Variants in LYPD6B observed in about 807,000 individuals in gnomAD.
The protein encoded by LYPD6B is ly6/PLAUR domain-containing protein 6B.
LYPD6B carries 17 observed loss-of-function variants against 22.8 expected under a neutral mutation model. The ratio of observed to expected loss-of-function variants is 0.75; its 90% CI spans 0.51 to 1.12. The LOEUF is 1.12. LYPD6B is among the 50% of genes most tolerant of loss of function. The pLI is 0.00. For missense variants in LYPD6B, 221 were observed against 258.3 expected, an observed-to-expected ratio of 0.86 and a Z score of 0.99; for synonymous variants, 106 against 91.6, an observed-to-expected ratio of 1.16 and a Z score of -0.90.
At chr2:149,142,039 T>G (rs905043434) in intron 2 of LYPD6B, 9 of 152,236 alleles carry the variant, frequency 5.9e-5, no homozygotes, top group African/African-American at 2.2e-4. Context: ...AGACTTGGTC[T>G]GCTATCATTT....
chr2:149,194,029 C>T (rs1235598261), intron 3 of LYPD6B, among the ~76,000 whole-genome samples: 1 of 152,030 alleles, frequency 6.6e-6, no homozygotes, highest in Non-Finnish European at 1.5e-5. Context: ...TAATGATGTG[C>T]TTTAGTGATG....
At chr2:149,211,300 C>T (rs1276247555) in intron 5 of LYPD6B, among the ~76,000 whole-genome samples, 1 of 152,030 alleles carries the variant, frequency 6.6e-6, no homozygotes, top group Non-Finnish European at 1.5e-5. Context: ...TCAATTGCCA[C>T]GTGGTTTAAT....
chr2:149,057,820 C>T (rs189292179), intron 1 of LYPD6B, among the ~76,000 whole-genome samples: 6 of 152,224 alleles, frequency 3.9e-5, no homozygotes, highest in Non-Finnish European at 7.4e-5. Context: ...ATTATTTGAC[C>T]GTTTCAGGGG....
intron 3 of LYPD6B, among the ~76,000 whole-genome samples, chr2:149,163,613 A>G (rs1008097635): frequency 3.3e-5 from 5 of 152,200 alleles, no homozygotes; most frequent in Non-Finnish European, 7.3e-5. Flanking sequence ...CTCATCATAT[A>G]TTTCAGAGTA....
intron 2 of LYPD6B, among the ~76,000 whole-genome samples, chr2:149,151,205 G>T: frequency 6.6e-6 from 1 of 152,018 alleles, no homozygotes; most frequent in Non-Finnish European, 1.5e-5. Flanking sequence ...GCTGGGTGGT[G>T]GGTATATATG....
chr2:149,158,783 T>C (rs961589486), intron 2 of LYPD6B, among the ~76,000 whole-genome samples: 1 of 152,236 alleles, frequency 6.6e-6, no homozygotes, highest in Non-Finnish European at 1.5e-5. Context: ...ATTTAAACTT[T>C]GTATTCCTTA....
At position 149,208,333 on chromosome 2, in the gene LYPD6B, C is replaced by T. The variant is rs763844826; in HGVS notation, c.249C>T (p.Ser83=). ...PPLDPTPFPN[S]FKCFTCENAG... ...TTAAAGCTACACCATTTCCAAATAG[C>T]TTCAAGTGCTTTACTTGTGAAAACG... Residue 83 remains serine (S), a synonymous_variant, in exon 5 of 7, where the codon AGC becomes AGT. Transcript: ENST00000409642. The T allele has an allele frequency of 5.6e-6, 9 of 1,613,610 alleles. No individual in the cohort carries two copies. Among genetic ancestry groups the T allele is most frequent in the East Asian group, 4.5e-5 (2 of 44,868 alleles).
chr2:149,199,345 A>G (rs1177147870), intron 3 of LYPD6B, among the ~76,000 whole-genome samples: 1 of 152,192 alleles, frequency 6.6e-6, no homozygotes, highest in African/African-American at 2.4e-5. Flanking sequence ...CCTAAAGCTC[A>G]TTGTTATTCC....
Position 149,109,289 on chromosome 2 carries a change from G to A in LYPD6B, c.-66-21594G>A, listed in dbSNP as rs553928677. 7.2e-5 allele frequency among the ~76,000 whole-genome samples: 11 copies of A among 152,192 alleles called. No homozygotes were observed. The East Asian group carries it at 7.7e-4, about 11-fold the overall frequency. ...TTTCACTTAGGTTTTTGAAATACAC[G>A]TTAGGTTGATAGTTTTTCTTTTTTC... On this transcript the variant is annotated intron_variant, in intron 1 of 6. Coordinates refer to ENST00000409642, the MANE Select transcript of LYPD6B (RefSeq NM_177964.5).
chr2:149,054,069 T>C (rs1449464469), intron 1 of LYPD6B, among the ~76,000 whole-genome samples: 1 of 152,272 alleles, frequency 6.6e-6, no homozygotes, highest in East Asian at 1.9e-4. Flanking sequence ...AGCATTCATG[T>C]ATAAGTGTTT....
At chr2:149,099,245 TA>T (rs1277552149) in intron 1 of LYPD6B, among the ~76,000 whole-genome samples, 3 of 152,128 alleles carry the variant, frequency 2.0e-5, no homozygotes, top group East Asian at 1.9e-4. Flanking sequence ...AAATAACAAC[TA>T]AAAAAATTAT....
intron 1 of LYPD6B, among the ~76,000 whole-genome samples, chr2:149,101,936 G>A (rs1246520681): frequency 6.6e-6 from 1 of 152,156 alleles, no homozygotes; most frequent in Non-Finnish European, 1.5e-5. Flanking sequence ...CCATTCATTA[G>A]TTAAGAAGAA....
chr2:149,069,765 A>G (rs1684514021), intron 1 of LYPD6B, among the ~76,000 whole-genome samples: 1 of 152,100 alleles, frequency 6.6e-6, no homozygotes, highest in African/African-American at 2.4e-5. Flanking sequence ...AGTTGTCCAT[A>G]GTGCTGAGCA....
intron 1 of LYPD6B, among the ~76,000 whole-genome samples, chr2:149,076,635 A>C (rs1317408670): frequency 6.6e-6 from 1 of 152,228 alleles, no homozygotes; most frequent in Non-Finnish European, 1.5e-5. Flanking sequence ...GGTATGAGGC[A>C]CAGTAAAATT....
chr2:149,115,088 G>A (rs928932975), intron 1 of LYPD6B, among the ~76,000 whole-genome samples: 12 of 152,148 alleles, frequency 7.9e-5, no homozygotes, highest in African/African-American at 1.7e-4. Flanking sequence ...ACAGGCGCTC[G>A]CCACTACATC....
chr2:149,185,746 T>G (rs889476077), intron 3 of LYPD6B, among the ~76,000 whole-genome samples: 26 of 152,204 alleles, frequency 1.7e-4, no homozygotes, highest in African/African-American at 6.3e-4. Context: ...ATCAGTGCTG[T>G]TTTTCCAACA....
Position 149,213,040 on chromosome 2 carries a change from G to C in LYPD6B, c.377G>C (p.Ser126Thr), listed in dbSNP as rs963063474. ...TVHHFTSHGR[S>T]TSITKKCASR... ...CATCACTTCACCAGCCACGGAAGAA[G>C]CACATCCATCACCAAAAAGTGTGCC... The change falls in exon 6 of 7, where the codon AGC becomes ACC. Residue 126 changes from serine (S) to threonine (T), a missense_variant. Physicochemically the swap from Ser to Thr is moderately conservative, Grantham distance 58. Transcript: ENST00000409642. The C allele has an allele frequency of 1.9e-6, 3 of 1,613,854 alleles. No homozygotes were observed. Among genetic ancestry groups the C allele is most frequent in the African/African-American group, 2.7e-5 (2 of 74,930 alleles).
intron 3 of LYPD6B, among the ~76,000 whole-genome samples, chr2:149,196,617 A>G (rs2106094314): frequency 6.6e-6 from 1 of 152,330 alleles, no homozygotes; most frequent in East Asian, 1.9e-4. Flanking sequence ...TTGAGATTAT[A>G]GGGAATACTG....
intron 3 of LYPD6B, among the ~76,000 whole-genome samples, chr2:149,192,169 T>G (rs554815166): frequency 1.3e-5 from 2 of 152,252 alleles, no homozygotes; most frequent in Non-Finnish European, 2.9e-5. Flanking sequence ...TGGGCTGGCT[T>G]GTGCCTCTGA....
Sources: allele counts gnomAD v4.1 joint callset (sites outside exome capture counted in the v4.1 genomes callset), GRCh38; gene constraint gnomAD v4.1.1; transcripts MANE v1.5; gene names NCBI Gene and HGNC (gene_info 2026-07-23, HGNC 2026-07-21).